Variants in FRMPD4 observed in about 807,000 individuals in gnomAD.
FRMPD4 encodes the protein FERM and PDZ domain containing 4, also known as FERM and PDZ domain-containing protein 4.
FRMPD4 carries 22 observed loss-of-function variants against 94.1 expected under a neutral mutation model. That is an observed-to-expected ratio of 0.23 (90% CI 0.17 to 0.33). FRMPD4 has a LOEUF of 0.33. FRMPD4 is among the 10% of genes least tolerant of loss of function. The pLI is 1.00. For synonymous variants in FRMPD4, 631 were observed against 548.6 expected (o/e 1.15, Z -2.10); for missense variants, 1,111 against 1,339.9 (o/e 0.83, Z 2.67).
chrX:12,199,322 T>A (rs1325148257), intron 1 of FRMPD4, among the ~76,000 whole-genome samples: 2 of 108,401 alleles, frequency 1.8e-5, no homozygotes, highest in African/African-American at 3.4e-5. Flanking sequence ...GTTGACAGCC[T>A]GGAAGCAAGC....
intron 8 of FRMPD4, among the ~76,000 whole-genome samples, chrX:12,691,789 C>T (rs1380984721): frequency 2.7e-5 from 3 of 110,040 alleles, no homozygotes; most frequent in Non-Finnish European, 5.7e-5. Flanking sequence ...TCAGTCCTAC[C>T]GGAGAGCACT....
At chrX:11,900,050 G>A (rs1041889653) in intron 3 of FRMPD4, among the ~76,000 whole-genome samples, 45 of 112,131 alleles carry the variant, frequency 4.0e-4, no homozygotes, top group African/African-American at 1.5e-3. Flanking sequence ...TATGCACAGG[G>A]CTTACTTGGA....
chrX:12,355,320 C>T (rs902848324), intron 1 of FRMPD4, among the ~76,000 whole-genome samples: 4 of 110,710 alleles, frequency 3.6e-5, no homozygotes, highest in African/African-American at 9.9e-5. Context: ...GGACTACAGG[C>T]GTGTGCCACC....
chrX:12,055,915 T>C (rs1428422684), intron 3 of FRMPD4, among the ~76,000 whole-genome samples: 1 of 111,682 alleles, frequency 9.0e-6, no homozygotes, highest in Non-Finnish European at 1.9e-5. Flanking sequence ...GTTTGGGCCT[T>C]GTGGGTACAG....
At chrX:12,340,877 C>T (rs1166234866) in intron 1 of FRMPD4, among the ~76,000 whole-genome samples, 1 of 111,489 alleles carries the variant, frequency 9.0e-6, no homozygotes, top group African/African-American at 3.3e-5. Flanking sequence ...TTCTTTGCCT[C>T]CCCTTGACTG....
chrX:11,838,881 C>T (rs1355582007), intron 1 of FRMPD4, among the ~76,000 whole-genome samples: 2 of 111,259 alleles, frequency 1.8e-5, no homozygotes, highest in Non-Finnish European at 3.8e-5. Context: ...TATGGAATCA[C>T]CAGTTGATAG....
intron 9 of FRMPD4, among the ~76,000 whole-genome samples, chrX:12,697,414 C>T (rs770998132): frequency 8.0e-5 from 9 of 112,213 alleles, no homozygotes; most frequent in Non-Finnish European, 1.7e-4. Context: ...GGTCAGTAGT[C>T]GCTGTAGACA....
chrX:12,508,938 G>A (rs2058013712), intron 2 of FRMPD4, among the ~76,000 whole-genome samples: 1 of 96,100 alleles, frequency 1.0e-5, no homozygotes, highest in Admixed American at 1.2e-4. Flanking sequence ...ATTGCAGTGA[G>A]CTGAGATCGC....
At chrX:12,357,657 T>A (rs1346273764) in intron 1 of FRMPD4, among the ~76,000 whole-genome samples, 4 of 112,147 alleles carry the variant, frequency 3.6e-5, no homozygotes, top group Non-Finnish European at 7.5e-5. Flanking sequence ...GAGCATAGAA[T>A]GAAAACAAGT....
intron 2 of FRMPD4, among the ~76,000 whole-genome samples, chrX:12,535,860 G>A (rs181972522): frequency 9.0e-6 from 1 of 110,897 alleles, no homozygotes; most frequent in African/African-American, 3.3e-5. Flanking sequence ...GCAGACCCCT[G>A]ACTTGGAGTA....
chrX:12,433,650 T>G (rs186407962), intron 1 of FRMPD4, among the ~76,000 whole-genome samples: 1 of 112,296 alleles, frequency 8.9e-6, no homozygotes, highest in African/African-American at 3.2e-5. Flanking sequence ...AGGTACACCT[T>G]ACTTCCTGCC....
At chrX:11,894,123 C>T (rs1451660426) in intron 3 of FRMPD4, among the ~76,000 whole-genome samples, 1 of 111,738 alleles carries the variant, frequency 8.9e-6, no homozygotes, top group African/African-American at 3.3e-5. Flanking sequence ...GTGATCTTCC[C>T]TTCCTGACCA....
At chrX:12,548,162 C>T (rs1217099284) in intron 2 of FRMPD4, among the ~76,000 whole-genome samples, 1 of 111,912 alleles carries the variant, frequency 8.9e-6, no homozygotes, top group Non-Finnish European at 1.9e-5. Context: ...GGCTGTACTC[C>T]CCTTCTATGT....
chrX:11,859,121 A>T (rs912656230), intron 1 of FRMPD4, among the ~76,000 whole-genome samples: 10 of 112,117 alleles, frequency 8.9e-5, no homozygotes, highest in Non-Finnish European at 1.3e-4. Context: ...ATATAGGCTT[A>T]TTAAGGCCAT....
chrX:12,029,456 TA>T (rs2147431799), intron 3 of FRMPD4, among the ~76,000 whole-genome samples: 2 of 112,098 alleles, frequency 1.8e-5, no homozygotes, highest in Admixed American at 1.9e-4. Context: ...GCAGAGCAGA[TA>T]TTTTTAATTT....
At chrX:11,958,975 T>A (rs1324697067) in intron 3 of FRMPD4, among the ~76,000 whole-genome samples, 1 of 111,740 alleles carries the variant, frequency 8.9e-6, no homozygotes, top group Admixed American at 9.5e-5. Flanking sequence ...TCCACTGAGT[T>A]TTATTAAATC....
At chrX:12,361,775 G>A (rs1315136634) in intron 1 of FRMPD4, among the ~76,000 whole-genome samples, 1 of 111,550 alleles carries the variant, frequency 9.0e-6, no homozygotes, top group East Asian at 2.8e-4. Flanking sequence ...GAGGTCAGAG[G>A]TCCCAAACCA....
rs1874037 is a variant in FRMPD4 at position 12,486,912 on chromosome X, T to A, written c.42-11768T>A. Among the ~76,000 whole-genome samples, 33 of 110,727 alleles carry A rather than the reference T, an allele frequency of 3.0e-4. 1 individual carries two copies. The highest frequency in any genetic ancestry group is 1.1e-3 in the African/African-American group (33 of 30,586). On this transcript the variant is annotated intron_variant, in intron 1 of 16. Coordinates refer to ENST00000675598, the MANE Select transcript of FRMPD4 (RefSeq NM_001368397.1). ...TGAAAAAATATCAATGAACTCCAAA[T>A]GGAAGCTGGGAATGATGGATGAAAA...
At chrX:12,689,778 C>T (rs1655239472) in intron 7 of FRMPD4, among the ~76,000 whole-genome samples, 1 of 112,876 alleles carries the variant, frequency 8.9e-6, no homozygotes, top group African/African-American at 3.2e-5. Context: ...CTAGTTTTGG[C>T]ATGCAGGCCA....
Sources: allele counts gnomAD v4.1 joint callset (sites outside exome capture counted in the v4.1 genomes callset), GRCh38; gene constraint gnomAD v4.1.1; transcripts MANE v1.5; gene names NCBI Gene and HGNC (gene_info 2026-07-23, HGNC 2026-07-21).